The following RALGAPA2 variants were observed in gnomAD, a reference collection of about 807,000 sequenced individuals.
RALGAPA2 encodes Ral GTPase activating protein catalytic subunit alpha 2, also known as ral GTPase-activating protein subunit alpha-2.
Under a neutral mutation model 230.4 loss-of-function variants are expected in RALGAPA2, and 139 were observed. The observed-to-expected ratio is 0.60, with a 90% CI of 0.53 to 0.69. The LOEUF is 0.69. RALGAPA2 is among the 30% of genes least tolerant of loss of function. The probability of loss-of-function intolerance (pLI) is 0.00; values close to 1 mark genes in which losing one functional copy is unlikely to be tolerated. For synonymous variants in RALGAPA2, 847 were observed against 837.8 expected, an observed-to-expected ratio of 1.01 and a Z score of -0.19; for missense variants, 2,163 against 2,276.0, an observed-to-expected ratio of 0.95 and a Z score of 1.01.
intron 20 of RALGAPA2, among the ~76,000 whole-genome samples, chr20:20,578,661 T>C (rs995282783): frequency 6.6e-6 from 1 of 152,156 alleles, no homozygotes; most frequent in African/African-American, 2.4e-5. Context: ...AGGCACAGTG[T>C]TAAAGAAATG....
intron 4 of RALGAPA2, among the ~76,000 whole-genome samples, chr20:20,645,061 T>C (rs1025370544): frequency 1.3e-5 from 2 of 150,776 alleles, no homozygotes; most frequent in Non-Finnish European, 3.0e-5. Flanking sequence ...TGTTAGTCCT[T>C]CCCCTTGTTA....
chr20:20,670,650 A>T (rs2068101291), intron 3 of RALGAPA2, among the ~76,000 whole-genome samples: 1 of 152,012 alleles, frequency 6.6e-6, no homozygotes, highest in Non-Finnish European at 1.5e-5. Flanking sequence ...GTAAAAAAAA[A>T]AAAAAAAGTA....
At chr20:20,529,081 T>C (rs2063302527) in intron 27 of RALGAPA2, among the ~76,000 whole-genome samples, 2 of 152,200 alleles carry the variant, frequency 1.3e-5, no homozygotes, top group African/African-American at 2.4e-5. Context: ...ACACGGAAAC[T>C]AGAGGGAGGC....
chr20:20,678,737 T>C (rs2068422689), intron 2 of RALGAPA2, among the ~76,000 whole-genome samples: 1 of 152,114 alleles, frequency 6.6e-6, no homozygotes, highest in African/African-American at 2.4e-5. Flanking sequence ...CACATCAAAC[T>C]TTCTGAAAGG....
intron 14 of RALGAPA2, among the ~76,000 whole-genome samples, chr20:20,607,524 ATT>A (rs2065858099): frequency 6.6e-6 from 1 of 152,148 alleles, no homozygotes; most frequent in Non-Finnish European, 1.5e-5. Flanking sequence ...TCTCCTATTA[ATT>A]TTTATACCCC....
chr20:20,528,764 G>A (rs1478646511), intron 27 of RALGAPA2, among the ~76,000 whole-genome samples: 1 of 152,200 alleles, frequency 6.6e-6, no homozygotes. Context: ...CATTTCTGAA[G>A]GGTTCTTACA....
rs780863501 is a variant in RALGAPA2, at chr20:20,524,477, G to A, written c.3829C>T (p.His1277Tyr). 1.2e-6 allele frequency: 2 copies of A among 1,613,846 alleles called. No individual in the cohort carries two copies. The highest frequency in any genetic ancestry group is 3.3e-4 in the Middle Eastern group (2 of 6,062). ...CMALPVSVLL[H>Y]PVSTAVLEEQ... is the part of the protein sequence containing the mutation. Reference sequence around the variant, plus strand: ...TCTAGGACTGCTGTGGACACGGGGTGGAGAAGGACACTCACGGGCAATGCC... The same window carrying A: ...TCTAGGACTGCTGTGGACACGGGGTAGAGAAGGACACTCACGGGCAATGCC... The change falls in exon 30 of 40, where the codon CAC (histidine) becomes TAC (tyrosine). Residue 1277 changes from histidine (H) to tyrosine (Y), a missense_variant. Transcript: ENST00000202677.
At position 20,517,649 on chromosome 20, in the gene RALGAPA2, G is replaced by A. The variant is rs918704204; in HGVS notation, c.4084+3268C>T. Among the ~76,000 whole-genome samples the A allele has an allele frequency of 1.6e-4, 25 of 151,992 alleles. 1 individual carries two copies. The highest frequency in any genetic ancestry group is 1.2e-3 in the Admixed American group (19 of 15,264). On this transcript the variant is annotated intron_variant, in intron 31 of 39. Transcript: ENST00000202677. ...GAGACAATGAAATTGCCCACACCCC[G>A]AGTACAAAACTACTACAATCAGCAT...
chr20:20,522,447 A>C (rs1232470132), intron 30 of RALGAPA2, among the ~76,000 whole-genome samples: 1 of 152,328 alleles, frequency 6.6e-6, no homozygotes, highest in African/African-American at 2.4e-5. Flanking sequence ...TGAGCAAAAG[A>C]TGTCAGACAA....
intron 14 of RALGAPA2, 41 bp downstream of exon 14, chr20:20,611,274 T>G: frequency 1.3e-6 from 2 of 1,554,030 alleles, no homozygotes; most frequent in Non-Finnish European, 1.7e-6. Flanking sequence ...AAAATCTGAT[T>G]CATTTCTTGC....
At chr20:20,535,965 C>T (rs1030883579) in intron 25 of RALGAPA2, among the ~76,000 whole-genome samples, 162 bp from the exon 26 acceptor site, 20 of 152,218 alleles carry the variant, frequency 1.3e-4, no homozygotes, top group South Asian at 4.2e-4. Flanking sequence ...ACACTGGGCT[C>T]GGGGGAGCGG....
At chr20:20,493,726 T>G (rs138901991) in intron 36 of RALGAPA2, among the ~76,000 whole-genome samples, 240 of 152,346 alleles carry the variant, frequency 1.6e-3, no homozygotes, top group African/African-American at 5.5e-3. Context: ...TCTCTTATAT[T>G]AAAATTTTCA....
intron 14 of RALGAPA2, among the ~76,000 whole-genome samples, chr20:20,605,804 G>A (rs1244372554): frequency 6.6e-6 from 1 of 152,074 alleles, no homozygotes; most frequent in African/African-American, 2.4e-5. Flanking sequence ...CCCTGACTTT[G>A]AGCAGATGGA....
At chr20:20,542,626 C>A (rs1171737715) in intron 24 of RALGAPA2, among the ~76,000 whole-genome samples, 1 of 152,288 alleles carries the variant, frequency 6.6e-6, no homozygotes, top group East Asian at 1.9e-4. Context: ...ACCATCTGAT[C>A]TTTGACAAAT....
intron 20 of RALGAPA2, among the ~76,000 whole-genome samples, chr20:20,574,196 C>T (rs548901502): frequency 6.6e-6 from 1 of 152,214 alleles, no homozygotes; most frequent in East Asian, 1.9e-4. Flanking sequence ...TCTCCAGTGA[C>T]TAAAGATTTT....
At chr20:20,677,629 ATTTTTTTTTTTTTTTTTT>A (rs758379115) in intron 2 of RALGAPA2, among the ~76,000 whole-genome samples, 1 of 64,284 alleles carries the variant, frequency 1.6e-5, no homozygotes, top group East Asian at 4.5e-4. Context: ...GATTTGACCC[ATTTTTTTTTTTTTTTTTT>A]TTTTTTTTTT....
intron 16 of RALGAPA2, among the ~76,000 whole-genome samples, chr20:20,596,544 T>C (rs940488633): frequency 3.9e-5 from 6 of 152,158 alleles, no homozygotes; most frequent in Non-Finnish European, 8.8e-5. Flanking sequence ...AATCTGCCCT[T>C]GGGTCAGTCT....
chr20:20,400,582 ACTTT>A (rs1282218630), intron 38 of RALGAPA2, among the ~76,000 whole-genome samples: 1 of 152,232 alleles, frequency 6.6e-6, no homozygotes, highest in East Asian at 1.9e-4. Context: ...CTTGGTGTCA[ACTTT>A]CTTGTTAGGC....
chr20:20,517,395 T>C (rs947690752), intron 31 of RALGAPA2, among the ~76,000 whole-genome samples: 8 of 152,108 alleles, frequency 5.3e-5, no homozygotes, highest in South Asian at 4.1e-4. Context: ...AGAGATCCCC[T>C]AGCCACATTA....
Sources: gnomAD v4.1 joint callset for allele counts (sites outside exome capture counted in the v4.1 genomes callset) on GRCh38, gnomAD v4.1.1 for gene constraint, MANE v1.5 for transcripts, NCBI Gene and HGNC (gene_info 2026-07-23, HGNC 2026-07-21) for gene names.